Variants in PDE10A observed in about 807,000 individuals in gnomAD.
PDE10A encodes phosphodiesterase 10A, also known as cAMP and cAMP-inhibited cGMP 3',5'-cyclic phosphodiesterase 10A.
PDE10A carries 39 observed loss-of-function variants against 97.7 expected under a neutral mutation model. That is an observed-to-expected ratio of 0.40 (90% CI 0.31 to 0.52). The LOEUF is 0.52. Among genes scored for constraint, PDE10A ranks in the 20% least tolerant of loss-of-function variants. PDE10A has a pLI of 0.56. For missense variants in PDE10A, 731 were observed against 1,047.8 expected (o/e 0.70, Z 4.17); for synonymous variants, 371 against 376.8 (o/e 0.98, Z 0.18).
intron 2 of PDE10A, among the ~76,000 whole-genome samples, chr6:165,537,240 C>T (rs1248131122): frequency 6.6e-6 from 1 of 151,898 alleles, no homozygotes; most frequent in African/African-American, 2.4e-5. Flanking sequence ...AAAGGGATCT[C>T]ACGAAGGAAG....
intron 1 of PDE10A, among the ~76,000 whole-genome samples, chr6:165,748,291 T>A (rs929928531): frequency 2.0e-5 from 3 of 152,194 alleles, no homozygotes; most frequent in African/African-American, 7.2e-5. Context: ...TGTTAAGAGA[T>A]GGCTCTTTCC....
In PDE10A at chr6:165,578,705, T is replaced by C. The variant is rs118127908; in HGVS notation, c.866-35137A>G. 3.5e-4 allele frequency among the ~76,000 whole-genome samples: 53 copies of C among 152,284 alleles called. 1 individual carries two copies. In the East Asian group the frequency reaches 8.5e-3, roughly 24 times the overall value. ...TCTGTTTTTTTCTTACATGGCATAATATAAAGTCCGTCTCTCCAATTTATT... is the reference window on the plus strand; with the variant it reads ...TCTGTTTTTTTCTTACATGGCATAACATAAAGTCCGTCTCTCCAATTTATT... On this transcript the variant is annotated intron_variant, in intron 1 of 21. Transcript: ENST00000539869.
chr6:165,387,647 A>G (rs1466462807), intron 17 of PDE10A, among the ~76,000 whole-genome samples: 1 of 152,228 alleles, frequency 6.6e-6, no homozygotes, highest in Non-Finnish European at 1.5e-5. Context: ...TCCTACTTAG[A>G]GGTGCTGACA....
intron 2 of PDE10A, among the ~76,000 whole-genome samples, chr6:165,517,565 A>G (rs1049670093): frequency 6.6e-6 from 1 of 152,222 alleles, no homozygotes; most frequent in African/African-American, 2.4e-5. Context: ...ACAACAAAAT[A>G]CTACTCAGCA....
At chr6:165,939,390 C>A (rs1783439495) in intron 1 of PDE10A, 1 of 152,136 alleles carries the variant, frequency 6.6e-6, no homozygotes, top group Admixed American at 6.5e-5. Context: ...TTTGCATAGA[C>A]ACATATAACA....
intron 1 of PDE10A, among the ~76,000 whole-genome samples, chr6:165,848,157 C>G (rs934386102): frequency 1.2e-4 from 19 of 152,022 alleles, no homozygotes; most frequent in Non-Finnish European, 5.9e-5. Context: ...AATCAACCCA[C>G]AGAAGCAGCC....
At chr6:165,921,206 G>C (rs1302368884) in intron 1 of PDE10A, among the ~76,000 whole-genome samples, 1 of 152,170 alleles carries the variant, frequency 6.6e-6, no homozygotes, top group Non-Finnish European at 1.5e-5. Flanking sequence ...TCAAAGCCAG[G>C]GTCACTAGGT....
At chr6:165,962,982 A>T (rs888440920) in intron 1 of PDE10A, among the ~76,000 whole-genome samples, 8 of 152,256 alleles carry the variant, frequency 5.3e-5, no homozygotes, top group African/African-American at 1.9e-4. Context: ...ACACACCCAC[A>T]CGCGTGGTTG....
At chr6:165,664,073 A>T (rs1449158480), upstream of PDE10A, among the ~76,000 whole-genome samples, 1 of 152,156 alleles carries the variant, frequency 6.6e-6, no homozygotes, top group Non-Finnish European at 1.5e-5. Flanking sequence ...CCACGGTGGC[A>T]CGGGCTGTCC....
rs1780178790 is a variant in PDE10A at position 165,839,855 on chromosome 6, CCCTGTCTCCATT to C, written c.-615+147662_-615+147673del. Among the ~76,000 whole-genome samples, 137 of 117,062 alleles carry C rather than the reference CCCTGTCTCCATT, an allele frequency of 1.2e-3. No homozygotes were observed. In the Middle Eastern group the frequency reaches 0.013, roughly 11 times the overall value. The allele number at this position is 117,062 out of a possible 152,430, so 76.8% of individuals were successfully genotyped here. A position where few individuals can be genotyped will look rare whatever the true frequency, so the allele number is the denominator to read the frequency against. On this transcript the variant is annotated intron_variant, in intron 1 of 19. Transcript: ENST00000366882. ...TCGTCTCCATTCTTATCATCTCCAT[CCCTGTCTCCATT>C]CCCATCTGCACCTCTGTCTCCATCC... is the stretch of plus-strand genomic sequence containing the variant.
chr6:165,446,622 C>CTCAAATATCTGTGTTA (rs1790866568), intron 5 of PDE10A, among the ~76,000 whole-genome samples: 1 of 152,184 alleles, frequency 6.6e-6, no homozygotes, highest in South Asian at 2.1e-4. Context: ...CAAATAACCA[C>CTCAAATATCTGTGTTA]TCAAATCACA....
In PDE10A at chr6:165,428,712, GA is replaced by G. The variant is rs35000538; in HGVS notation, c.1602-4del. On this transcript the variant is annotated splice_region_variant and splice_polypyrimidine_tract_variant and intron_variant, in intron 9 of 21. Transcript: ENST00000539869. ...CAACTATGTTATCAAAATATGTTCTGAAAAAAAGAAACATAAATCCTGTAAG... is the reference window on the plus strand; with the variant it reads ...CAACTATGTTATCAAAATATGTTCTGAAAAAAGAAACATAAATCCTGTAAG... The G allele has an allele frequency of 9.7e-6, 11 of 1,139,428 alleles. No homozygotes were observed. Among genetic ancestry groups the G allele is most frequent in the Admixed American group, 1.9e-5 (1 of 51,340 alleles). 70.6% of individuals were successfully genotyped at this position (1,139,428 alleles called of 1,614,324 possible).
At chr6:165,438,265 T>C (rs536048921) in intron 5 of PDE10A, among the ~76,000 whole-genome samples, 1 of 152,194 alleles carries the variant, frequency 6.6e-6, no homozygotes, top group African/African-American at 2.4e-5. Context: ...CTTGGCTCAC[T>C]GCAACCTCCG....
At chr6:165,437,325 A>C (rs1320811426) in intron 5 of PDE10A, among the ~76,000 whole-genome samples, 1 of 152,190 alleles carries the variant, frequency 6.6e-6, no homozygotes, top group Non-Finnish European at 1.5e-5. Context: ...CAATAATAAC[A>C]GACTATCTTA....
Position 165,388,261 on chromosome 6 carries a change from C to T in PDE10A, c.2610+37G>A, listed in dbSNP as rs1562410413. ...AAGTATCCCTATCTCCCAGACAGCC[C>T]TTCAGACTAAGCGAGAGACGGCGTG... On this transcript the variant is annotated intron_variant, in intron 17 of 21. Transcript: ENST00000539869. The surrounding 1 kb of genome is among the most constrained non-coding windows in gnomAD (Gnocchi z 4.0). 7 of 1,606,898 alleles carry T rather than the reference C, an allele frequency of 4.4e-6. No individual in the cohort carries two copies. Among genetic ancestry groups the T allele is most frequent in the Non-Finnish European group, 4.3e-6 (5 of 1,174,222 alleles).
chr6:165,896,760 G>A (rs941595863), intron 1 of PDE10A, among the ~76,000 whole-genome samples: 4 of 152,124 alleles, frequency 2.6e-5, no homozygotes, highest in Middle Eastern at 3.4e-3. Context: ...TCCTGACCTC[G>A]TGATCCACCT....
Position 165,714,086 on chromosome 6 carries a change from A to G in PDE10A, c.-614-170518T>C, listed in dbSNP as rs190832154. On this transcript the variant is annotated intron_variant, in intron 1 of 19. Transcript: ENST00000366882. Reference sequence around the variant, plus strand: ...CATGACCACCACAACATTCTGAGTAATTAGAGTTGTGTGGAAACAAAAACC... The same window carrying G: ...CATGACCACCACAACATTCTGAGTAGTTAGAGTTGTGTGGAAACAAAAACC... 1.2e-4 allele frequency among the ~76,000 whole-genome samples: 18 copies of G among 152,338 alleles called. No individual in the cohort carries two copies. In the East Asian group the frequency reaches 3.3e-3, roughly 28 times the overall value.
chr6:165,530,839 T>G (rs1782736265), intron 2 of PDE10A, among the ~76,000 whole-genome samples: 1 of 152,212 alleles, frequency 6.6e-6, no homozygotes, highest in African/African-American at 2.4e-5. Flanking sequence ...CCAGGGAGAC[T>G]GAAACTTCAC....
intron 18 of PDE10A, among the ~76,000 whole-genome samples, chr6:165,362,671 T>C (rs1357503724): frequency 6.6e-6 from 1 of 152,080 alleles, no homozygotes; most frequent in Non-Finnish European, 1.5e-5. Flanking sequence ...TCATAAACTC[T>C]TCCAAAAAAA....
Sources: gnomAD v4.1 joint callset for allele counts (sites outside exome capture counted in the v4.1 genomes callset) on GRCh38, gnomAD v4.1.1 for gene constraint, Gnocchi (gnomAD v3.1) non-coding constraint, MANE v1.5 for transcripts, NCBI Gene and HGNC (gene_info 2026-07-23, HGNC 2026-07-21) for gene names.